Variants in L3MBTL3 observed in about 807,000 individuals in gnomAD.
L3MBTL3 encodes the protein lethal(3)malignant brain tumor-like protein 3.
A neutral mutation model predicts 102.3 loss-of-function variants in L3MBTL3; 27 were observed. That is an observed-to-expected ratio of 0.26 (90% confidence interval 0.19 to 0.36). The LOEUF is 0.36. L3MBTL3 is among the 10% of genes least tolerant of loss of function. The pLI is 1.00. For missense variants in L3MBTL3, 798 were observed against 955.3 expected (o/e 0.84, Z 2.17); for synonymous variants, 340 against 320.9 (o/e 1.06, Z -0.64).
At chr6:130,023,624 G>C (rs1779150570) in intron 2 of L3MBTL3, among the ~76,000 whole-genome samples, 1 of 152,142 alleles carries the variant, frequency 6.6e-6, no homozygotes, top group Non-Finnish European at 1.5e-5. Context: ...CTCATCTACA[G>C]AGCGGGAACA....
chr6:130,094,045 A>G (rs1436440272), intron 17 of L3MBTL3, among the ~76,000 whole-genome samples: 2 of 152,250 alleles, frequency 1.3e-5, no homozygotes, highest in Non-Finnish European at 1.5e-5. Flanking sequence ...TTGAAGAAAG[A>G]TAACTAGTGT....
chr6:130,073,245 A>G (rs971919391), intron 13 of L3MBTL3, among the ~76,000 whole-genome samples: 5 of 152,298 alleles, frequency 3.3e-5, no homozygotes, highest in African/African-American at 9.6e-5. Context: ...CTGACTCTAC[A>G]TAAAAATTTC....
intron 18 of L3MBTL3, among the ~76,000 whole-genome samples, chr6:130,101,070 T>A (rs1784658470): frequency 6.6e-6 from 1 of 152,244 alleles, no homozygotes; most frequent in Non-Finnish European, 1.5e-5. Context: ...AAAAAAGTCC[T>A]TAAATTGTTA....
At chr6:130,079,885 G>A (rs1173591782) in intron 14 of L3MBTL3, among the ~76,000 whole-genome samples, 1 of 152,162 alleles carries the variant, frequency 6.6e-6, no homozygotes, top group Non-Finnish European at 1.5e-5. Flanking sequence ...ATAAAGGGAG[G>A]AAAGTCTCTG....
At chr6:130,082,958 A>T (rs1296666355) in intron 14 of L3MBTL3, among the ~76,000 whole-genome samples, 1 of 152,148 alleles carries the variant, frequency 6.6e-6, no homozygotes, top group Non-Finnish European at 1.5e-5. Context: ...TGCTTTTCTC[A>T]GTCCCCTTTA....
intron 3 of L3MBTL3, among the ~76,000 whole-genome samples, chr6:130,043,713 GC>G (rs1780567885): frequency 6.6e-6 from 1 of 152,128 alleles, no homozygotes; most frequent in Non-Finnish European, 1.5e-5. Flanking sequence ...CATTATTTAG[GC>G]CTCCTGGAAT....
chr6:130,041,566 C>T (rs1448748410), intron 2 of L3MBTL3, among the ~76,000 whole-genome samples: 2 of 152,074 alleles, frequency 1.3e-5, no homozygotes, highest in Non-Finnish European at 2.9e-5. Flanking sequence ...TATTTGTTTG[C>T]TTTGAATGTC....
Position 130,057,507 on chromosome 6 carries a change from C to A in L3MBTL3, c.759+10C>A, listed in dbSNP as rs748842965. 1 of 1,596,084 alleles carries A rather than the reference C, an allele frequency of 6.3e-7. No individual in the cohort carries two copies. Among genetic ancestry groups the A allele is most frequent in the East Asian group, 2.2e-5 (1 of 44,490 alleles). On this transcript the variant is annotated intron_variant, in intron 9 of 22. Coordinates refer to ENST00000361794, the MANE Select transcript of L3MBTL3 (RefSeq NM_032438.4). The stretch of plus-strand genomic sequence containing the variant: ...GAAGCTGTTCAAGGAGGTACGGGCC[C>A]TTCTAGAGACGTGATCTGTAAGGGC...
At chr6:130,124,565 A>G (rs1786465909) in intron 20 of L3MBTL3, among the ~76,000 whole-genome samples, 1 of 152,140 alleles carries the variant, frequency 6.6e-6, no homozygotes, top group Non-Finnish European at 1.5e-5. Context: ...TAAATCCAGA[A>G]AGCTTCCTTA....
At chr6:130,073,738 GTTCTAAAAAAGATCCTGGA>G (rs920003450) in intron 13 of L3MBTL3, among the ~76,000 whole-genome samples, 2 of 152,008 alleles carry the variant, frequency 1.3e-5, no homozygotes, top group African/African-American at 4.8e-5. Context: ...AGGATCCTGG[GTTCTAAAAAAGATCCTGGA>G]TTCTAAAAAG....
chr6:130,052,786 C>A, intron 6 of L3MBTL3, 73 bp from the exon 7 acceptor site: 1 of 1,500,736 alleles, frequency 6.7e-7, no homozygotes, highest in Middle Eastern at 1.8e-4. Flanking sequence ...ATGATTGTTG[C>A]ATTGATAATC....
intron 10 of L3MBTL3, among the ~76,000 whole-genome samples, chr6:130,061,409 A>G (rs78862139): frequency 0.024 from 3,695 of 152,238 alleles, 196 homozygotes; most frequent in East Asian, 0.21. Flanking sequence ...AGTTCTCAAA[A>G]CAACCTTTTG....
intron 2 of L3MBTL3, among the ~76,000 whole-genome samples, chr6:130,042,292 A>G (rs1023585958): frequency 1.3e-5 from 2 of 152,196 alleles, no homozygotes; most frequent in African/African-American, 4.8e-5. Flanking sequence ...TTGGCAGATT[A>G]TCATTTATCC....
chr6:130,027,298 TTTAA>T (rs1779415823), intron 2 of L3MBTL3, among the ~76,000 whole-genome samples: 1 of 152,196 alleles, frequency 6.6e-6, no homozygotes, highest in South Asian at 2.1e-4. Flanking sequence ...TACCAGACCT[TTTAA>T]AGGCTGGACC....
Position 130,063,015 on chromosome 6 carries a change from TC to T in L3MBTL3, c.864+2876del, listed in dbSNP as rs1463532023. ...CTTTTTTTTTTTTTCTGTTTTTTTTTCGCCCCTTTGCAATGCAATGGTAAGA... is the reference window on the plus strand; with the variant it reads ...CTTTTTTTTTTTTTCTGTTTTTTTTTGCCCCTTTGCAATGCAATGGTAAGA... On this transcript the variant is annotated intron_variant, in intron 10 of 22. Transcript: ENST00000361794. Among the ~76,000 whole-genome samples, 171 of 136,206 alleles carry T rather than the reference TC, an allele frequency of 1.3e-3. No individual in the cohort carries two copies. The East Asian group carries it at 0.024, about 19-fold the overall frequency. The allele number at this position is 136,206 out of a possible 152,430, so 89.4% of individuals were successfully genotyped here.
At chr6:130,061,062 G>A (rs1167253329) in intron 10 of L3MBTL3, among the ~76,000 whole-genome samples, 2 of 147,922 alleles carry the variant, frequency 1.4e-5, no homozygotes, top group Non-Finnish European at 3.0e-5. Flanking sequence ...GCTAATCCAA[G>A]TACTTTTCAT....
At chr6:130,018,993 A>C (rs1778740279) in intron 1 of L3MBTL3, among the ~76,000 whole-genome samples, 2 of 151,654 alleles carry the variant, frequency 1.3e-5, no homozygotes, top group African/African-American at 4.8e-5. Flanking sequence ...AGAGAGAGAA[A>C]AGAGAAAGGA....
At chr6:130,085,151 A>G (rs1783600454) in intron 15 of L3MBTL3, among the ~76,000 whole-genome samples, 1 of 152,036 alleles carries the variant, frequency 6.6e-6, no homozygotes, top group African/African-American at 2.4e-5. Flanking sequence ...TCTTATACCC[A>G]TTTTACAGAA....
chr6:130,033,619 C>T (rs1451272837), intron 2 of L3MBTL3, among the ~76,000 whole-genome samples: 15 of 152,222 alleles, frequency 9.9e-5, no homozygotes, highest in Admixed American at 7.2e-4. Flanking sequence ...ACACCAGGCG[C>T]TGATCTCAGG....
Sources: gnomAD v4.1 joint callset for allele counts (sites outside exome capture counted in the v4.1 genomes callset) on GRCh38, gnomAD v4.1.1 for gene constraint, MANE v1.5 for transcripts, NCBI Gene and HGNC (gene_info 2026-07-23, HGNC 2026-07-21) for gene names.